Variants in GRM8 observed in about 807,000 individuals in gnomAD.
GRM8 encodes glutamate metabotropic receptor 8, also known as metabotropic glutamate receptor 8.
GRM8 carries 47 observed loss-of-function variants against 87.2 expected under a neutral mutation model. The ratio of observed to expected loss-of-function variants is 0.54; its 90% confidence interval spans 0.43 to 0.69. GRM8 has a LOEUF of 0.69. GRM8 is among the 30% of genes least tolerant of loss of function. The pLI is 0.00. For synonymous variants in GRM8, 396 were observed against 404.5 expected (o/e 0.98, Z 0.25); for missense variants, 1,019 against 1,139.2 (o/e 0.89, Z 1.52).
At chr7:127,200,158 C>A (rs1795508895) in intron 2 of GRM8, among the ~76,000 whole-genome samples, 1 of 152,182 alleles carries the variant, frequency 6.6e-6, no homozygotes, top group South Asian at 2.1e-4. Context: ...TCCTCAGGCT[C>A]ATCCCCACAC....
intron 6 of GRM8, among the ~76,000 whole-genome samples, chr7:126,782,261 G>C (rs1018587242): frequency 6.6e-6 from 1 of 152,240 alleles, no homozygotes; most frequent in East Asian, 1.9e-4. Context: ...CATTAACCTA[G>C]TCCAATTCTA....
intron 6 of GRM8, among the ~76,000 whole-genome samples, chr7:126,853,559 T>C (rs143389497): frequency 6.6e-6 from 1 of 152,060 alleles, no homozygotes; most frequent in Non-Finnish European, 1.5e-5. Flanking sequence ...GCATGACCCA[T>C]TCTACATAAG....
chr7:126,625,899 A>T (rs1406291390), intron 7 of GRM8, among the ~76,000 whole-genome samples: 2 of 152,192 alleles, frequency 1.3e-5, no homozygotes. Context: ...AAAATACGTT[A>T]CAATACCCTG....
chr7:126,719,891 T>C (rs549005820), intron 7 of GRM8, among the ~76,000 whole-genome samples: 53 of 151,650 alleles, frequency 3.5e-4, no homozygotes, highest in African/African-American at 1.0e-3. Flanking sequence ...TACTGATTTC[T>C]ATAGCAAGTT....
intron 2 of GRM8, among the ~76,000 whole-genome samples, chr7:127,114,644 C>T (rs946035285): frequency 1.3e-5 from 2 of 152,148 alleles, no homozygotes; most frequent in East Asian, 3.9e-4. Flanking sequence ...AGATGGTTTG[C>T]TACTAATGGT....
At chr7:126,819,757 T>C (rs1319958646) in intron 6 of GRM8, among the ~76,000 whole-genome samples, 2 of 152,018 alleles carry the variant, frequency 1.3e-5, no homozygotes, top group African/African-American at 2.4e-5. Context: ...AAAAAAACTA[T>C]AGAAATACTA....
chr7:126,923,763 G>C (rs989275387), intron 3 of GRM8, among the ~76,000 whole-genome samples: 1 of 152,094 alleles, frequency 6.6e-6, no homozygotes, highest in African/African-American at 2.4e-5. Context: ...TAAGAAAAGA[G>C]AGTAGAGTAT....
At chr7:127,135,617 C>CAAA (rs1168682673) in intron 2 of GRM8, among the ~76,000 whole-genome samples, 409 of 35,612 alleles carry the variant, frequency 0.011, 34 homozygotes, top group East Asian at 0.058. Flanking sequence ...GACTCCGTCT[C>CAAA]AAAAAAAAAA....
At chr7:126,783,661 C>A (rs982369883) in intron 6 of GRM8, among the ~76,000 whole-genome samples, 3 of 152,076 alleles carry the variant, frequency 2.0e-5, no homozygotes, top group African/African-American at 4.8e-5. Context: ...TTGAACACTG[C>A]AAATGTTCAA....
intron 3 of GRM8, among the ~76,000 whole-genome samples, chr7:126,939,310 T>A (rs1806654778): frequency 6.6e-6 from 1 of 152,218 alleles, no homozygotes; most frequent in East Asian, 1.9e-4. Flanking sequence ...CCAATTCCCA[T>A]GTCACCCTTA....
Position 126,856,121 on chromosome 7 carries a change from C to CT in GRM8, c.1156+46420dup, listed in dbSNP as rs546930358. ...TTTTTTTTCCAAAAGTAAATTCTGT[C>CT]TTTTTTTTTTATTCCTGAACTCAAA... On this transcript the variant is annotated intron_variant, in intron 6 of 10. Transcript: ENST00000339582. 2.7e-3 allele frequency among the ~76,000 whole-genome samples: 399 copies of CT among 148,290 alleles called. 1 individual carries two copies. The highest frequency in any genetic ancestry group is 6.3e-3 in the African/African-American group (256 of 40,356).
intron 9 of GRM8, among the ~76,000 whole-genome samples, chr7:126,469,604 C>T (rs921408630): frequency 6.6e-6 from 1 of 152,120 alleles, no homozygotes; most frequent in African/African-American, 2.4e-5. Flanking sequence ...TAAGGGGCTT[C>T]CCCTCACTCC....
chr7:127,086,123 T>C (rs1823459379), intron 3 of GRM8, among the ~76,000 whole-genome samples: 1 of 152,178 alleles, frequency 6.6e-6, no homozygotes, highest in South Asian at 2.1e-4. Context: ...TTTTTTGAGA[T>C]GGAGTCTCGC....
chr7:126,584,020 C>A (rs1157911954), intron 8 of GRM8, among the ~76,000 whole-genome samples: 1 of 152,076 alleles, frequency 6.6e-6, no homozygotes, highest in Non-Finnish European at 1.5e-5. Context: ...ATTGCCACAG[C>A]CTCCCCAACC....
chr7:126,913,609 C>A (rs1803541966), intron 3 of GRM8, among the ~76,000 whole-genome samples: 1 of 152,126 alleles, frequency 6.6e-6, no homozygotes, highest in Non-Finnish European at 1.5e-5. Context: ...ACTCTCTACC[C>A]TAAATATCCT....
intron 3 of GRM8, among the ~76,000 whole-genome samples, chr7:126,912,115 T>C (rs1803371987): frequency 6.6e-6 from 1 of 152,048 alleles, no homozygotes; most frequent in South Asian, 2.1e-4. Flanking sequence ...GAGAACGGCG[T>C]GAACCCGGGA....
At chr7:127,111,828 AC>A (rs940226252) in intron 2 of GRM8, among the ~76,000 whole-genome samples, 1 of 152,262 alleles carries the variant, frequency 6.6e-6, no homozygotes, top group Non-Finnish European at 1.5e-5. Context: ...GGAGTTCGAG[AC>A]CAGCCTGGTC....
At chr7:127,109,746 G>T (rs1826174671) in intron 2 of GRM8, among the ~76,000 whole-genome samples, 1 of 152,168 alleles carries the variant, frequency 6.6e-6, no homozygotes, top group Admixed American at 6.5e-5. Context: ...GGCAGACCAA[G>T]TGCTCAATGA....
chr7:126,453,927 G>A (rs938879878), intron 9 of GRM8, among the ~76,000 whole-genome samples: 1 of 151,636 alleles, frequency 6.6e-6, no homozygotes, highest in African/African-American at 2.4e-5. Context: ...CTCCTTTACA[G>A]GTATTTTTGC....
Sources: allele counts gnomAD v4.1 joint callset (sites outside exome capture counted in the v4.1 genomes callset), GRCh38; gene constraint gnomAD v4.1.1; transcripts MANE v1.5; gene names NCBI Gene and HGNC (gene_info 2026-07-23, HGNC 2026-07-21).